Variants in SLC28A3 observed in about 807,000 individuals in gnomAD.
SLC28A3 encodes concentrative Na(+)-nucleoside cotransporter 3.
A neutral mutation model predicts 84.2 loss-of-function variants in SLC28A3; 68 were observed. The ratio of observed to expected loss-of-function variants is 0.81; its 90% CI spans 0.66 to 0.99. The LOEUF (loss-of-function observed/expected upper bound fraction) is 0.99, where lower values mean the gene tolerates loss of function less well. SLC28A3 is among the 50% of genes least tolerant of loss of function. SLC28A3 has a pLI of 0.00. For missense variants in SLC28A3, 712 were observed against 841.5 expected, an observed-to-expected ratio of 0.85 and a Z score of 1.90; for synonymous variants, 267 against 303.6, an observed-to-expected ratio of 0.88 and a Z score of 1.25.
chr9:84,351,204 A>G, the SLC28A3 span, among the ~76,000 whole-genome samples: 1 of 152,206 alleles, frequency 6.6e-6, no homozygotes, highest in Admixed American at 6.5e-5. Context: ...ATATTAGTCT[A>G]GGCCTACACA....
At chr9:84,309,492 CA>C in intron 3 of SLC28A3, 136 bp downstream of exon 3, 2 of 638,140 alleles carry the variant, frequency 3.1e-6, no homozygotes, top group South Asian at 4.2e-5. Flanking sequence ...CACTGCACTC[CA>C]GCCTGGGTGA....
intron 1 of SLC28A3, among the ~76,000 whole-genome samples, chr9:84,319,642 T>G (rs1406205931): frequency 6.6e-6 from 1 of 152,242 alleles, no homozygotes; most frequent in Non-Finnish European, 1.5e-5. Context: ...GTTGATCATT[T>G]GTGTTTATTA....
At chr9:84,290,108 A>G in intron 11 of SLC28A3, 46 bp downstream of exon 11, 1 of 1,593,986 alleles carries the variant, frequency 6.3e-7, no homozygotes, top group South Asian at 1.1e-5. Flanking sequence ...TAACAATAAT[A>G]AAGAAAGAAG....
intron 1 of SLC28A3, among the ~76,000 whole-genome samples, chr9:84,315,800 T>C (rs1354136228): frequency 1.3e-5 from 2 of 152,220 alleles, no homozygotes; most frequent in African/African-American, 4.8e-5. Flanking sequence ...CGTGGGGCTG[T>C]GATATGGGGC....
chr9:84,318,457 T>A (rs1422273118), intron 1 of SLC28A3, among the ~76,000 whole-genome samples: 8 of 152,320 alleles, frequency 5.3e-5, no homozygotes, highest in South Asian at 4.1e-4. Context: ...GAAACCCATA[T>A]GTATGGGAAT....
At chr9:84,290,405 C>A in intron 10 of SLC28A3, 126 bp from the exon 11 acceptor site, 1 of 1,175,322 alleles carries the variant, frequency 8.5e-7, no homozygotes, top group East Asian at 2.5e-5. Flanking sequence ...CTCAGACCAG[C>A]TCCATCAGCG....
intron 1 of SLC28A3, among the ~76,000 whole-genome samples, chr9:84,319,166 G>A (rs974612264): frequency 7.2e-5 from 11 of 152,166 alleles, no homozygotes; most frequent in East Asian, 5.8e-4. Context: ...TTCAGGTCAC[G>A]CTGGGCCCTC....
At chr9:84,343,919 C>T (rs544357271), upstream of SLC28A3, among the ~76,000 whole-genome samples, 3 of 151,166 alleles carry the variant, frequency 2.0e-5, no homozygotes, top group Admixed American at 6.6e-5. Context: ...AGGAAGACCC[C>T]GTCTCTACAA....
chr9:84,340,490 T>C, intron 1 of SLC28A3, 84 bp downstream of exon 1: 1 of 1,392,616 alleles, frequency 7.2e-7, no homozygotes, highest in Admixed American at 1.7e-5. Flanking sequence ...ATCTCCCTGC[T>C]TAGGTAAGAA....
the SLC28A3 span, among the ~76,000 whole-genome samples, chr9:84,352,365 A>G: frequency 4.0e-5 from 6 of 151,702 alleles, no homozygotes; most frequent in Non-Finnish European, 7.4e-5. Context: ...TTGTATTTTT[A>G]GTAGAGATGG....
chr9:84,360,159 G>C, the SLC28A3 span, among the ~76,000 whole-genome samples: 1 of 152,206 alleles, frequency 6.6e-6, no homozygotes, highest in Admixed American at 6.5e-5. Context: ...TGACCCTTAA[G>C]GCATTTGTGT....
chr9:84,317,180 T>C (rs1234343304), intron 1 of SLC28A3, among the ~76,000 whole-genome samples: 2 of 152,122 alleles, frequency 1.3e-5, no homozygotes, highest in Non-Finnish European at 2.9e-5. Context: ...CCCCAGACCA[T>C]CTTGTGCCTA....
At chr9:84,289,295 A>C (rs927158130) in intron 11 of SLC28A3, among the ~76,000 whole-genome samples, 9 of 152,196 alleles carry the variant, frequency 5.9e-5, no homozygotes, top group Non-Finnish European at 1.3e-4. Flanking sequence ...ACCTACAATG[A>C]AGCCCACTTA....
intron 5 of SLC28A3, among the ~76,000 whole-genome samples, chr9:84,300,031 G>A (rs572952723): frequency 2.1e-4 from 32 of 152,230 alleles, no homozygotes; most frequent in African/African-American, 7.0e-4. Context: ...GAGCTCAGGC[G>A]ATTGCCCGCC....
chr9:84,277,979 A>C lies in SLC28A3; in HGVS notation c.*239T>G, dbSNP rs3750406. Reference sequence around the variant, plus strand: ...AATCCCATTGAGACTGGAATCAACAACACCTCACTTTGGGACATCATAGCA... The same window carrying C: ...AATCCCATTGAGACTGGAATCAACACCACCTCACTTTGGGACATCATAGCA... On this transcript the variant is annotated 3_prime_UTR_variant, in exon 18 of 18. Transcript: ENST00000376238. 74,340 of 484,188 alleles carry C rather than the reference A, an allele frequency of 0.15. 6,671 individuals are homozygous for C. The highest frequency in any genetic ancestry group is 0.3 in the African/African-American group (15,373 of 51,560). 30.0% of individuals were successfully genotyped at this position (484,188 alleles called of 1,614,324 possible).
At chr9:84,302,502 C>A in intron 4 of SLC28A3, 113 bp from the exon 5 acceptor site, 1 of 997,512 alleles carries the variant, frequency 1.0e-6, no homozygotes, top group Non-Finnish European at 1.5e-6. Flanking sequence ...TTAAATATCA[C>A]TGAATGCAGG....
In SLC28A3 at chr9:84,297,759, G is replaced by A. The variant is rs569847366; in HGVS notation, c.783+147C>T. ...AGACAGACTAACATATTCAACATAAGCAAAACTATTTGTCTAACCCATGAT... is the reference window on the plus strand; with the variant it reads ...AGACAGACTAACATATTCAACATAAACAAAACTATTTGTCTAACCCATGAT... On this transcript the variant is annotated intron_variant, in intron 7 of 17. Transcript: ENST00000376238. 3.2e-5 allele frequency: 22 copies of A among 696,374 alleles called. No individual in the cohort carries two copies. In the South Asian group the frequency reaches 4.0e-4, roughly 13 times the overall value. The allele number at this position is 696,374 out of a possible 1,614,324, so 43.1% of individuals were successfully genotyped here.
chr9:84,367,656 G>T, the SLC28A3 span, among the ~76,000 whole-genome samples: 1 of 152,180 alleles, frequency 6.6e-6, no homozygotes, highest in East Asian at 1.9e-4. Context: ...TCGGCAAGGG[G>T]AGTGTGGCAG....
At position 84,318,725 on chromosome 9, in the gene SLC28A3, C is replaced by T. The variant is rs190013152; in HGVS notation, c.61-5271G>A. ...CTCTACTAAAAATACAAAAATTAGC[C>T]GGGCGTGGTGGCCTGTGCCTGTAAT... is the stretch of plus-strand genomic sequence containing the variant. On this transcript the variant is annotated intron_variant, in intron 1 of 17. Transcript: ENST00000376238. 8.1e-3 allele frequency among the ~76,000 whole-genome samples: 1,234 copies of T among 151,940 alleles called. 21 individuals are homozygous for T. The highest frequency in any genetic ancestry group is 0.028 in the African/African-American group (1,175 of 41,458).
Sources: gnomAD v4.1 joint callset for allele counts (sites outside exome capture counted in the v4.1 genomes callset) on GRCh38, gnomAD v4.1.1 for gene constraint, MANE v1.5 for transcripts, NCBI Gene and HGNC (gene_info 2026-07-23, HGNC 2026-07-21) for gene names.